DSCAML1: variants seen among roughly 807,000 people sequenced by gnomAD.
The protein encoded by DSCAML1 is DS cell adhesion molecule like 1.
DSCAML1 carries 38 observed loss-of-function variants against 200.5 expected under a neutral mutation model. The ratio of observed to expected loss-of-function variants is 0.19; its 90% confidence interval spans 0.15 to 0.25. DSCAML1 has a LOEUF of 0.25. DSCAML1 is among the 10% of genes least tolerant of loss of function. The pLI, the probability that DSCAML1 is intolerant of heterozygous loss-of-function variation, is 1.00. For missense variants in DSCAML1, 2,223 were observed against 2,858.8 expected (o/e 0.78, Z 5.07); for synonymous variants, 1,215 against 1,165.0 (o/e 1.04, Z -0.87).
chr11:117,758,031 G>C (rs2054727219), intron 3 of DSCAML1, among the ~76,000 whole-genome samples: 1 of 151,946 alleles, frequency 6.6e-6, no homozygotes, highest in Admixed American at 6.6e-5. Context: ...GGTCAGGCAT[G>C]GTGGCTCACA....
At chr11:117,783,796 C>T (rs1336798078) in intron 1 of DSCAML1, among the ~76,000 whole-genome samples, 3 of 152,126 alleles carry the variant, frequency 2.0e-5, no homozygotes, top group African/African-American at 7.2e-5. Context: ...TATGGTTTTT[C>T]AGGCTGGGTA....
At chr11:117,552,342 T>C (rs1664288655) in intron 3 of DSCAML1, among the ~76,000 whole-genome samples, 1 of 152,006 alleles carries the variant, frequency 6.6e-6, no homozygotes, top group Non-Finnish European at 1.5e-5. Flanking sequence ...CCATCCCCAA[T>C]CTACACAGAC....
rs2051484177 is a variant in DSCAML1, at chr11:117,602,501, C to G, written c.512-69979G>C. Among the ~76,000 whole-genome samples, 3 of 152,184 alleles carry G rather than the reference C, an allele frequency of 2.0e-5. No individual in the cohort carries two copies. The South Asian group carries it at 6.2e-4, about 32-fold the overall frequency. Reference sequence around the variant, plus strand: ...TCAGCCTCCGGAGTAGCTGGGACCACAGGCATGCACCACCATGCTCAGCTA... The same window carrying G: ...TCAGCCTCCGGAGTAGCTGGGACCAGAGGCATGCACCACCATGCTCAGCTA... On this transcript the variant is annotated intron_variant, in intron 3 of 32. Transcript: ENST00000651296.
chr11:117,505,353 C>A lies in DSCAML1; in HGVS notation c.2062+101G>T. 1.3e-6 allele frequency: 2 copies of A among 1,482,628 alleles called. No homozygotes were observed. The highest frequency in any genetic ancestry group is 1.8e-6 in the Non-Finnish European group (2 of 1,103,918). 91.8% of individuals were successfully genotyped at this position (1,482,628 alleles called of 1,614,324 possible). On this transcript the variant is annotated intron_variant, in intron 9 of 32. Transcript: ENST00000651296. The surrounding 1 kb of genome is among the most constrained non-coding windows in gnomAD (Gnocchi z 6.7). ...AGGCCCTTCAAGATGCTGGAGCCCACCTTCCATGAGCCCGTGATTGGAACT... is the reference window on the plus strand; with the variant it reads ...AGGCCCTTCAAGATGCTGGAGCCCAACTTCCATGAGCCCGTGATTGGAACT...
chr11:117,475,847 C>G (rs1173080436), intron 14 of DSCAML1, among the ~76,000 whole-genome samples: 2 of 152,072 alleles, frequency 1.3e-5, no homozygotes, highest in African/African-American at 2.4e-5. Flanking sequence ...CCTTGTGTTC[C>G]CAAACCATCT....
intron 3 of DSCAML1, among the ~76,000 whole-genome samples, chr11:117,564,444 C>T (rs752455277): frequency 3.3e-5 from 5 of 152,218 alleles, no homozygotes; most frequent in Non-Finnish European, 5.9e-5. Context: ...GAACAATCAT[C>T]CGCAATCAAT....
At chr11:117,742,616 G>A (rs1055163047) in intron 3 of DSCAML1, among the ~76,000 whole-genome samples, 6 of 152,240 alleles carry the variant, frequency 3.9e-5, no homozygotes, top group African/African-American at 1.4e-4. Context: ...GAGTCAAGCT[G>A]GGGACTTGGA....
At chr11:117,528,965 A>G (rs1438677045) in intron 4 of DSCAML1, among the ~76,000 whole-genome samples, 26 of 149,508 alleles carry the variant, frequency 1.7e-4, no homozygotes, top group Non-Finnish European at 1.3e-4. Context: ...AGGAATAACA[A>G]TGTAGCAACA....
At chr11:117,442,941 G>A (rs1208228613) in intron 21 of DSCAML1, among the ~76,000 whole-genome samples, 2 of 152,208 alleles carry the variant, frequency 1.3e-5, no homozygotes, top group Admixed American at 6.5e-5. Flanking sequence ...TGGCAGGGCA[G>A]GTGGAAGCCC....
Position 117,516,634 on chromosome 11 carries a change from T to C in DSCAML1, c.1616A>G (p.Tyr539Cys), listed in dbSNP as rs1307580987. The change falls in exon 8 of 33, where the codon TAC (tyrosine) becomes TGC (cysteine). Residue 539 changes from tyrosine to cysteine, a missense_variant. This residue lies in a region of DSCAML1 where 212 missense variants were observed against 368.0 expected (regional missense o/e 0.58). Transcript: ENST00000651296. The surrounding 1 kb of genome is among the most constrained non-coding windows in gnomAD (Gnocchi z 5.7). ...IGYPYYSIKW[Y>C]KDALLLPDNH... The stretch of plus-strand genomic sequence containing the variant: ...GTCTGGCAGCAGCAGGGCATCCTTG[T>C]ACCACTTGATGGAGTAGTAGGGATA... 6.2e-7 allele frequency: 1 copy of C among 1,614,094 alleles called. No individual in the cohort carries two copies.
intron 1 of DSCAML1, among the ~76,000 whole-genome samples, chr11:117,796,301 A>G (rs1052741679): frequency 7.2e-5 from 11 of 152,188 alleles, no homozygotes; most frequent in African/African-American, 2.7e-4. Context: ...CCCAGGTCCA[A>G]CTGGCCAGGC....
At chr11:117,509,249 A>G (rs1385542302) in intron 8 of DSCAML1, among the ~76,000 whole-genome samples, 1 of 152,144 alleles carries the variant, frequency 6.6e-6, no homozygotes. Context: ...TAAAGGACAC[A>G]CATGCTTTCA....
intron 3 of DSCAML1, among the ~76,000 whole-genome samples, chr11:117,755,286 T>C (rs2054667550): frequency 1.3e-5 from 2 of 152,170 alleles, no homozygotes; most frequent in Admixed American, 1.3e-4. Context: ...TAATTTATGA[T>C]GGGAAGACAG....
chr11:117,710,023 C>G (rs996052633), intron 3 of DSCAML1, among the ~76,000 whole-genome samples: 1 of 152,152 alleles, frequency 6.6e-6, no homozygotes, highest in Non-Finnish European at 1.5e-5. Context: ...ATGGCTGTCC[C>G]CTCTGCAAGG....
intron 3 of DSCAML1, among the ~76,000 whole-genome samples, chr11:117,561,632 T>C (rs923199015): frequency 6.6e-6 from 1 of 152,214 alleles, no homozygotes; most frequent in Non-Finnish European, 1.5e-5. Context: ...CTGCCTGTGA[T>C]GGTCTGGGTC....
chr11:117,638,739 T>C (rs892392279), intron 3 of DSCAML1, among the ~76,000 whole-genome samples: 61 of 152,236 alleles, frequency 4.0e-4, no homozygotes, highest in Non-Finnish European at 7.8e-4. Flanking sequence ...TAATATTCCA[T>C]TGTCTGGAAA....
intron 19 of DSCAML1, 51 bp downstream of exon 19, chr11:117,458,703 T>G: frequency 6.3e-7 from 1 of 1,596,668 alleles, no homozygotes; most frequent in Non-Finnish European, 8.5e-7. Context: ...GGGCTGGGGG[T>G]TAGCAGTGGG....
intron 11 of DSCAML1, among the ~76,000 whole-genome samples, chr11:117,494,232 T>G (rs2049248865): frequency 6.6e-6 from 1 of 152,196 alleles, no homozygotes; most frequent in Non-Finnish European, 1.5e-5. Context: ...GTAAAGGGCC[T>G]GAAGTAAATA....
chr11:117,490,188 C>T (rs1353985553), intron 11 of DSCAML1, among the ~76,000 whole-genome samples: 3 of 152,162 alleles, frequency 2.0e-5, no homozygotes, highest in Admixed American at 1.3e-4. Context: ...GGCAGCAAGC[C>T]GAGGTGGGAG....
Sources: allele counts gnomAD v4.1 joint callset (sites outside exome capture counted in the v4.1 genomes callset), GRCh38; gene constraint gnomAD v4.1.1; regional missense constraint gnomAD v4.1.1; non-coding constraint Gnocchi (gnomAD v3.1); transcripts MANE v1.5; gene names NCBI Gene and HGNC (gene_info 2026-07-23, HGNC 2026-07-21).